The following CLOCK variants were observed in gnomAD, a reference collection of about 807,000 sequenced individuals.
The protein encoded by CLOCK is circadian locomoter output cycles protein kaput.
Under a neutral mutation model 118.4 loss-of-function variants are expected in CLOCK, and 43 were observed. That is an observed-to-expected ratio of 0.36 (90% CI 0.28 to 0.47). The LOEUF (loss-of-function observed/expected upper bound fraction) is 0.47, where lower values mean the gene tolerates loss of function less well. Ranked by LOEUF, CLOCK falls within the 20% of genes least tolerant of loss-of-function variation. CLOCK has a pLI of 1.00. For synonymous variants in CLOCK, 326 were observed against 339.2 expected, an observed-to-expected ratio of 0.96 and a Z score of 0.43; for missense variants, 846 against 999.9, an observed-to-expected ratio of 0.85 and a Z score of 2.08.
chr4:55,497,671 GA>G (rs1196162225), intron 2 of CLOCK, among the ~76,000 whole-genome samples: 2 of 152,140 alleles, frequency 1.3e-5, no homozygotes, highest in Non-Finnish European at 2.9e-5. Flanking sequence ...TAATGTGTAT[GA>G]CAATTCAGGC....
At chr4:55,463,852 G>A (rs1394959113) in intron 8 of CLOCK, 47 bp from the exon 9 acceptor site, 3 of 1,561,462 alleles carry the variant, frequency 1.9e-6, no homozygotes, top group Non-Finnish European at 2.6e-6. Context: ...TGATTCAAGA[G>A]ACAATTGCTT....
chr4:55,472,952 C>T (rs1396489980), intron 7 of CLOCK, among the ~76,000 whole-genome samples: 2 of 152,010 alleles, frequency 1.3e-5, no homozygotes, highest in African/African-American at 2.4e-5. Flanking sequence ...GACAACTGTT[C>T]GCCAGGCTTA....
chr4:55,482,412 TAAG>T (rs1726994364), intron 4 of CLOCK, among the ~76,000 whole-genome samples: 1 of 152,142 alleles, frequency 6.6e-6, no homozygotes, highest in African/African-American at 2.4e-5. Context: ...TGAAGTTAGA[TAAG>T]AAGAAAAAGG....
intron 1 of CLOCK, among the ~76,000 whole-genome samples, chr4:55,526,509 C>T (rs1310986001): frequency 6.6e-6 from 1 of 152,138 alleles, no homozygotes. Context: ...ACCTTTAGAT[C>T]ATACATTCTC....
intron 1 of CLOCK, among the ~76,000 whole-genome samples, chr4:55,520,388 C>G (rs1729783182): frequency 6.6e-6 from 1 of 152,124 alleles, no homozygotes; most frequent in Non-Finnish European, 1.5e-5. Flanking sequence ...GTCATCAACA[C>G]CTCATTTACT....
chr4:55,498,565 C>A (rs1728231810), intron 2 of CLOCK, among the ~76,000 whole-genome samples: 1 of 151,440 alleles, frequency 6.6e-6, no homozygotes, highest in South Asian at 2.1e-4. Context: ...TATTTACTTT[C>A]AAAGCTTTCA....
At chr4:55,463,606 T>C (rs1522112) in intron 9 of CLOCK, 79 bp downstream of exon 9, 551,198 of 1,458,118 alleles carry the variant, frequency 0.38, 108,330 homozygotes, top group East Asian at 0.61. Context: ...TAAAGAAGTC[T>C]GTATTTTTCA....
chr4:55,482,602 T>C (rs1439526750), intron 4 of CLOCK, 137 bp downstream of exon 4: 1 of 607,556 alleles, frequency 1.6e-6, no homozygotes, highest in Non-Finnish European at 2.8e-6. Flanking sequence ...ACTATATTTG[T>C]TTAATACAGA....
At position 55,450,154 on chromosome 4, in the gene CLOCK, T is replaced by C. The variant is rs1262123361; in HGVS notation, c.1285A>G (p.Thr429Ala). The change falls in exon 16 of 23, where the codon ACC becomes GCC. Residue 429 changes from threonine (T) to alanine (A), a missense_variant. Thr to Ala is a moderately conservative substitution (Grantham distance 58). Coordinates refer to ENST00000513440, the MANE Select transcript of CLOCK (RefSeq NM_004898.4). ...GAACTCCGAGAAGAGGCAGAAGGGGTTGGGCTGTGATCAAACCTTTCCAAT... is the reference window on the plus strand; with the variant it reads ...GAACTCCGAGAAGAGGCAGAAGGGGCTGGGCTGTGATCAAACCTTTCCAAT... ...EALERFDHSPTPSASSRSSRK... is the reference protein window; with the variant it reads ...EALERFDHSPAPSASSRSSRK... 2 of 1,613,304 alleles carry C rather than the reference T, an allele frequency of 1.2e-6. No individual in the cohort carries two copies. The highest frequency in any genetic ancestry group is 2.2e-5 in the East Asian group (1 of 44,848).
chr4:55,523,739 AATAC>A (rs145596589), intron 1 of CLOCK, among the ~76,000 whole-genome samples: 5,121 of 152,244 alleles, frequency 0.034, 103 homozygotes, highest in Non-Finnish European at 0.054. Flanking sequence ...CCAGATTTCT[AATAC>A]ATACCTCTAA....
intron 1 of CLOCK, among the ~76,000 whole-genome samples, chr4:55,514,805 C>T (rs1227199212): frequency 1.3e-5 from 2 of 152,088 alleles, no homozygotes; most frequent in African/African-American, 2.4e-5. Context: ...GGGATTTTTG[C>T]ATTTATGTTC....
At chr4:55,482,906 T>C (rs1727029402) in intron 3 of CLOCK, 78 bp from the exon 4 acceptor site, 2 of 669,006 alleles carry the variant, frequency 3.0e-6, no homozygotes, top group East Asian at 2.8e-5. Flanking sequence ...AGAAATACTA[T>C]ATGTTATCAC....
At chr4:55,463,125 A>T (rs1725488660) in intron 9 of CLOCK, among the ~76,000 whole-genome samples, 1 of 152,164 alleles carries the variant, frequency 6.6e-6, no homozygotes, top group Non-Finnish European at 1.5e-5. Context: ...ATTCTACCAT[A>T]ATATGTTGTG....
chr4:55,479,475 T>C (rs1222191799), intron 5 of CLOCK, among the ~76,000 whole-genome samples, 165 bp downstream of exon 5: 1 of 152,174 alleles, frequency 6.6e-6, no homozygotes, highest in Non-Finnish European at 1.5e-5. Flanking sequence ...TCAGAAGATA[T>C]TTAATTTATA....
chr4:55,505,779 A>C (rs1306518876), intron 2 of CLOCK, among the ~76,000 whole-genome samples: 1 of 151,730 alleles, frequency 6.6e-6, no homozygotes, highest in Non-Finnish European at 1.5e-5. Flanking sequence ...CAGAAAAGTT[A>C]AGAATAGTTC....
At position 55,458,921 on chromosome 4, in the gene CLOCK, C is replaced by G. The variant is rs1725106433; in HGVS notation, c.763G>C (p.Val255Leu). 1 of 1,612,050 alleles carries G rather than the reference C, an allele frequency of 6.2e-7. No homozygotes were observed. The highest frequency in any genetic ancestry group is 8.5e-7 in the Non-Finnish European group (1 of 1,178,296). ...ATGAACTGAGGTGTAGCTAACCTGA[C>G]AGTAGCTACAAAACAAACTCTATCT... ...YEDRVCFVAT[V>L]RLATPQFIKE... The change falls in exon 11 of 23, where the codon GTC (valine) becomes CTC (leucine). Residue 255 changes from valine (V) to leucine (L), a missense_variant. This residue lies in a region of CLOCK where 246 missense variants were observed against 300.2 expected (regional missense o/e 0.82). Transcript: ENST00000513440.
In CLOCK at chr4:55,443,771, C is replaced by T; in HGVS notation, c.1818G>A (p.Gln606=). 6.2e-7 allele frequency: 1 copy of T among 1,614,072 alleles called. No homozygotes were observed. The highest frequency in any genetic ancestry group is 8.5e-7 in the Non-Finnish European group (1 of 1,179,994). Residue 606 remains glutamine, a synonymous_variant, in exon 20 of 23, where the codon CAG becomes CAA. Transcript: ENST00000513440. ...NMQGQVVPTN[Q]IQSGMNTGHI... The stretch of plus-strand genomic sequence containing the variant: ...GTCCAGTATTCATTCCACTTTGAAT[C>T]TGGTTAGTAGGAACAACTTGGCCTT...
At chr4:55,492,841 T>C (rs1727809953) in intron 2 of CLOCK, among the ~76,000 whole-genome samples, 1 of 152,050 alleles carries the variant, frequency 6.6e-6, no homozygotes, top group African/African-American at 2.4e-5. Context: ...CGAGATTCTG[T>C]CTCTAAAAAA....
chr4:55,486,988 C>T (rs1727338664), intron 3 of CLOCK, among the ~76,000 whole-genome samples: 1 of 152,122 alleles, frequency 6.6e-6, no homozygotes, highest in Admixed American at 6.6e-5. Flanking sequence ...ATTGGAGATC[C>T]TGGACAGTTG....
Sources: allele counts gnomAD v4.1 joint callset (sites outside exome capture counted in the v4.1 genomes callset), GRCh38; gene constraint gnomAD v4.1.1; regional missense constraint gnomAD v4.1.1; transcripts MANE v1.5; gene names NCBI Gene and HGNC (gene_info 2026-07-23, HGNC 2026-07-21).